ZNF169: variants seen among roughly 807,000 people sequenced by gnomAD.
The protein encoded by ZNF169 is zinc finger protein 169.
Under a neutral mutation model 12.0 loss-of-function variants are expected in ZNF169, and 11 were observed. The observed-to-expected ratio is 0.92, with a 90% CI of 0.58 to 1.52. ZNF169 has a LOEUF of 1.52. Among genes scored for constraint, ZNF169 ranks in the 40% most tolerant of loss-of-function variants. The pLI is 0.00. For synonymous variants in ZNF169, 302 were observed against 286.5 expected (o/e 1.05, Z -0.55); for missense variants, 722 against 744.0 (o/e 0.97, Z 0.34).
chr9:94,276,711 T>C (rs1236432835), intron 1 of ZNF169, among the ~76,000 whole-genome samples: 1 of 152,200 alleles, frequency 6.6e-6, no homozygotes, highest in Non-Finnish European at 1.5e-5. Flanking sequence ...TTTAATTCTC[T>C]TTTTATTCTA....
In ZNF169 at chr9:94,300,974, C is replaced by T. The variant is rs1483081032; in HGVS notation, c.1416C>T (p.Thr472=). 6.2e-7 allele frequency: 1 copy of T among 1,607,836 alleles called. No individual in the cohort carries two copies. The highest frequency in any genetic ancestry group is 1.1e-5 in the South Asian group (1 of 90,780). ...DCGRGFGQKV[T]LIRHQRTHTG... ...GGCGTGGCTTTGGTCAGAAGGTCAC[C>T]CTCATCAGACACCAGAGGACACACA... Residue 472 remains threonine (T), a synonymous_variant, in exon 5 of 5, where the codon ACC becomes ACT. Transcript: ENST00000395395.
intron 1 of ZNF169, among the ~76,000 whole-genome samples, chr9:94,261,569 A>C (rs772915254): frequency 2.6e-5 from 4 of 152,152 alleles, no homozygotes; most frequent in Non-Finnish European, 4.4e-5. Flanking sequence ...CTTTCCCCCA[A>C]ATCTGCAACC....
At chr9:94,293,179 C>A in intron 4 of ZNF169, 110 bp downstream of exon 4, 1 of 952,042 alleles carries the variant, frequency 1.1e-6, no homozygotes. Context: ...CTTCAGGCCT[C>A]CTAGGCCACT....
intron 1 of ZNF169, among the ~76,000 whole-genome samples, chr9:94,263,448 A>T (rs1830238941): frequency 6.9e-6 from 1 of 144,074 alleles, no homozygotes; most frequent in Non-Finnish European, 1.5e-5. Context: ...TTTCTCATTC[A>T]TTTTCTTTCA....
intron 1 of ZNF169, among the ~76,000 whole-genome samples, chr9:94,275,053 A>T (rs191446658): frequency 2.9e-4 from 44 of 152,292 alleles, no homozygotes; most frequent in African/African-American, 9.4e-4. Flanking sequence ...AGCCTGGACA[A>T]ACAGTGAGAC....
intron 4 of ZNF169, chr9:94,294,853 A>C (rs1001195751): frequency 1.3e-5 from 2 of 152,200 alleles, no homozygotes; most frequent in African/African-American, 4.8e-5. Context: ...AACTGGAATT[A>C]ATTTTATATG....
intron 1 of ZNF169, among the ~76,000 whole-genome samples, chr9:94,267,789 A>G (rs1830319567): frequency 6.6e-6 from 1 of 151,782 alleles, no homozygotes; most frequent in South Asian, 2.1e-4. Context: ...TGATGTCACA[A>G]TCTCTAAAGT....
At chr9:94,261,321 C>T (rs1350130051) in intron 1 of ZNF169, among the ~76,000 whole-genome samples, 1 of 152,062 alleles carries the variant, frequency 6.6e-6, no homozygotes, top group East Asian at 1.9e-4. Context: ...CCGCACCCCG[C>T]TCGAGACGGG....
At chr9:94,277,733 C>T (rs1388298916) in intron 1 of ZNF169, among the ~76,000 whole-genome samples, 2 of 151,762 alleles carry the variant, frequency 1.3e-5, no homozygotes, top group African/African-American at 2.4e-5. Context: ...AGATCGAGAC[C>T]ATCCTGGCTA....
intron 1 of ZNF169, among the ~76,000 whole-genome samples, chr9:94,265,113 G>T (rs1830271048): frequency 6.9e-6 from 1 of 144,754 alleles, no homozygotes. Context: ...CTGCCATACA[G>T]TCTTCAAAAA....
At chr9:94,262,460 G>C (rs1379888870) in intron 1 of ZNF169, among the ~76,000 whole-genome samples, 1 of 151,690 alleles carries the variant, frequency 6.6e-6, no homozygotes, top group Admixed American at 6.6e-5. Flanking sequence ...CTTTTCTTTT[G>C]TTTTTGTTTT....
chr9:94,292,252 T>C, intron 2 of ZNF169, 89 bp from the exon 3 acceptor site: 1 of 1,610,516 alleles, frequency 6.2e-7, no homozygotes, highest in South Asian at 1.1e-5. Flanking sequence ...CTAGGACTGC[T>C]TCTTTCTGCC....
chr9:94,289,128 G>C (rs1480235625), intron 2 of ZNF169, among the ~76,000 whole-genome samples: 1 of 152,164 alleles, frequency 6.6e-6, no homozygotes, highest in African/African-American at 2.4e-5. Context: ...GGCCAGGTGT[G>C]GTGGCTTATC....
rs1051097068 is a variant in ZNF169, at chr9:94,259,309, C to T, written c.-92C>T. On this transcript the variant is annotated 5_prime_UTR_variant, in exon 1 of 5. Transcript: ENST00000395395. ...CCGTGCCCAGGGGCAGTCCGGCTCGCGTACTTCCGCGTTCCGGCATCGTCG... is the reference window on the plus strand; with the variant it reads ...CCGTGCCCAGGGGCAGTCCGGCTCGTGTACTTCCGCGTTCCGGCATCGTCG... 1 of 151,982 alleles carries T rather than the reference C, an allele frequency of 6.6e-6. No homozygotes were observed. Among genetic ancestry groups the T allele is most frequent in the African/African-American group, 2.4e-5 (1 of 41,450 alleles). 9.4% of individuals were successfully genotyped at this position (151,982 alleles called of 1,614,324 possible). A position where few individuals can be genotyped will look rare whatever the true frequency, so the allele number is the denominator to read the frequency against.
chr9:94,298,782 A>G (rs1831000167), intron 4 of ZNF169, among the ~76,000 whole-genome samples: 2 of 151,964 alleles, frequency 1.3e-5, no homozygotes, highest in Admixed American at 6.6e-5. Flanking sequence ...GAGTTACGGT[A>G]TCAACTTACG....
Position 94,300,050 on chromosome 9 carries a change from C to T in ZNF169, c.492C>T (p.Phe164=). The T allele has an allele frequency of 1.2e-6, 2 of 1,614,098 alleles. No homozygotes were observed. Among genetic ancestry groups the T allele is most frequent in the Non-Finnish European group, 1.7e-6 (2 of 1,180,014 alleles). The change falls in exon 5 of 5, where the codon TTC becomes TTT. Residue 164 remains phenylalanine, a synonymous_variant. Transcript: ENST00000395395. ...GGCCAAGCAGAATTTCTAGGACATT[C>T]TTCAGCCCACATCAAGGTGACCCAG... is the stretch of plus-strand genomic sequence containing the variant. ...RKRPSRISRT[F]FSPHQGDPVE... is the part of the protein sequence containing the mutation.
chr9:94,266,103 A>G (rs1176846558), intron 1 of ZNF169, among the ~76,000 whole-genome samples: 8 of 151,766 alleles, frequency 5.3e-5, no homozygotes, highest in Admixed American at 5.3e-4. Flanking sequence ...AAAAAAAAAA[A>G]AATTCTTAGT....
intron 1 of ZNF169, among the ~76,000 whole-genome samples, chr9:94,261,219 T>A (rs1261046694): frequency 6.6e-6 from 1 of 152,064 alleles, no homozygotes; most frequent in Non-Finnish European, 1.5e-5. Flanking sequence ...TTTTTGTGTT[T>A]TTACCATGTT....
At chr9:94,277,418 A>C (rs1365516779) in intron 1 of ZNF169, among the ~76,000 whole-genome samples, 3 of 152,186 alleles carry the variant, frequency 2.0e-5, no homozygotes, top group Non-Finnish European at 4.4e-5. Flanking sequence ...TCTCTATAGA[A>C]TATGGATTTT....
Sources: allele counts gnomAD v4.1 joint callset (sites outside exome capture counted in the v4.1 genomes callset), GRCh38; gene constraint gnomAD v4.1.1; transcripts MANE v1.5; gene names NCBI Gene and HGNC (gene_info 2026-07-23, HGNC 2026-07-21).